SOS1: variants seen among roughly 807,000 people sequenced by gnomAD.
SOS1 encodes the protein son of sevenless homolog 1.
Under a neutral mutation model 157.6 loss-of-function variants are expected in SOS1, and 25 were observed. The ratio of observed to expected loss-of-function variants is 0.16; its 90% CI spans 0.12 to 0.22. The LOEUF is 0.22. Among genes scored for constraint, SOS1 ranks in the 10% least tolerant of loss-of-function variants. The pLI is 1.00. For missense variants in SOS1, 1,237 were observed against 1,599.1 expected (o/e 0.77, Z 3.86); for synonymous variants, 528 against 534.0 (o/e 0.99, Z 0.16).
intron 11 of SOS1, 52 bp downstream of exon 11, chr2:39,014,713 T>A (rs1385443576): frequency 1.9e-5 from 19 of 977,574 alleles, no homozygotes; most frequent in Non-Finnish European, 3.0e-5. Context: ...CTTAGCTCAA[T>A]CTCTTTTTTA....
At chr2:39,093,547 AATTAAG>A (rs899534788) in intron 1 of SOS1, among the ~76,000 whole-genome samples, 10 of 152,216 alleles carry the variant, frequency 6.6e-5, no homozygotes, top group African/African-American at 2.4e-4. Context: ...GTCTTCACTA[AATTAAG>A]ATTATTTAAC....
At chr2:39,015,369 G>C (rs945320205) in intron 10 of SOS1, among the ~76,000 whole-genome samples, 2 of 151,886 alleles carry the variant, frequency 1.3e-5, no homozygotes, top group African/African-American at 2.4e-5. Context: ...TAAATTATTT[G>C]CTAAAAATCT....
chr2:39,010,811 C>G, intron 14 of SOS1, 108 bp from the exon 15 acceptor site: 1 of 848,360 alleles, frequency 1.2e-6, no homozygotes, highest in South Asian at 1.5e-5. Context: ...ATGAACTTTC[C>G]TCTTATACCA....
chr2:39,000,868 T>G (rs1669074061), intron 17 of SOS1, among the ~76,000 whole-genome samples: 1 of 152,170 alleles, frequency 6.6e-6, no homozygotes, highest in Non-Finnish European at 1.5e-5. Flanking sequence ...AGAGAGACAT[T>G]TAAAAGACAG....
At chr2:39,070,142 A>G (rs1671748068) in intron 1 of SOS1, among the ~76,000 whole-genome samples, 2 of 152,136 alleles carry the variant, frequency 1.3e-5, no homozygotes, top group Non-Finnish European at 2.9e-5. Flanking sequence ...TTCCTCTTCA[A>G]TACTTAGCAT....
At chr2:39,081,686 T>C (rs547812281) in intron 1 of SOS1, among the ~76,000 whole-genome samples, 43 of 149,688 alleles carry the variant, frequency 2.9e-4, no homozygotes, top group Admixed American at 8.7e-4. Context: ...TTAGCCAGGC[T>C]TGGCGGCGGG....
In SOS1 at chr2:39,056,720, C is replaced by T; in HGVS notation, c.492G>A (p.Val164=). ...TTCCTACCTTGTCAGCACACATTGC[C>T]ACTTTAATATCTTGTTTTGTAATTT... ...HYEITKQDIK[V]AMCADKVLMD... Residue 164 remains valine (V), a synonymous_variant, in exon 4 of 23, where the codon GTG becomes GTA. Coordinates refer to ENST00000402219, the MANE Select transcript of SOS1 (RefSeq NM_005633.4). The T allele has an allele frequency of 6.2e-7, 1 of 1,607,970 alleles. No individual in the cohort carries two copies.
chr2:39,013,463 T>C lies in SOS1; in HGVS notation c.2164A>G (p.Arg722Gly). Residue 722 changes from arginine (R) to glycine (G), a missense_variant, in exon 13 of 23, where the codon AGA (arginine) becomes GGA (glycine). By Grantham distance (125) the Arg-to-Gly change is moderately radical. Coordinates refer to ENST00000402219, the MANE Select transcript of SOS1 (RefSeq NM_005633.4). ...GCACCTAAAAAAAAAAACATACCTC[T>C]TACTGTTCCAATAAATTCTTCCATT... Reference protein sequence around the residue: ...QRMEEFIGTVRGKAMKKWVES... With the variant: ...QRMEEFIGTVGGKAMKKWVES... 6.3e-7 allele frequency: 1 copy of C among 1,595,258 alleles called. No homozygotes were observed. Among genetic ancestry groups the C allele is most frequent in the Non-Finnish European group, 8.6e-7 (1 of 1,163,006 alleles).
At chr2:39,089,896 G>T (rs996925168) in intron 1 of SOS1, among the ~76,000 whole-genome samples, 4 of 151,388 alleles carry the variant, frequency 2.6e-5, no homozygotes, top group African/African-American at 7.3e-5. Context: ...GGAGGCAGAG[G>T]AAGGTGGATC....
intron 1 of SOS1, among the ~76,000 whole-genome samples, chr2:39,118,515 C>T (rs1673742836): frequency 6.6e-6 from 1 of 152,188 alleles, no homozygotes; most frequent in African/African-American, 2.4e-5. Context: ...CCACCTCCTC[C>T]TATCACTTCT....
intron 1 of SOS1, among the ~76,000 whole-genome samples, chr2:39,068,351 A>C (rs1028075003): frequency 6.6e-6 from 1 of 152,234 alleles, no homozygotes; most frequent in African/African-American, 2.4e-5. Flanking sequence ...GGTGATGATA[A>C]AAGATACAGT....
chr2:39,094,902 T>C (rs1672717960), intron 1 of SOS1, among the ~76,000 whole-genome samples: 1 of 152,160 alleles, frequency 6.6e-6, no homozygotes, highest in Non-Finnish European at 1.5e-5. Context: ...CCACAAGCCA[T>C]AAACCTGTTA....
chr2:39,116,943 C>T (rs1485162018), intron 1 of SOS1, among the ~76,000 whole-genome samples: 2 of 152,086 alleles, frequency 1.3e-5, no homozygotes, highest in Admixed American at 1.3e-4. Context: ...TATATAAAAA[C>T]TGTTCATAAA....
intron 6 of SOS1, among the ~76,000 whole-genome samples, chr2:39,037,001 G>A (rs940139818): frequency 6.6e-6 from 1 of 152,190 alleles, no homozygotes; most frequent in Non-Finnish European, 1.5e-5. Context: ...TGATTGAACA[G>A]TAATACCACC....
At chr2:39,013,371 A>G in intron 13 of SOS1, 89 bp downstream of exon 13, 1 of 840,238 alleles carries the variant, frequency 1.2e-6, no homozygotes, top group Admixed American at 1.8e-5. Flanking sequence ...AACATCTTAC[A>G]TTACTGAGCC....
At chr2:39,115,758 T>C (rs1372052091) in intron 1 of SOS1, among the ~76,000 whole-genome samples, 1 of 152,182 alleles carries the variant, frequency 6.6e-6, no homozygotes, top group African/African-American at 2.4e-5. Context: ...TTTTTATTGC[T>C]GAGTAGTATT....
At chr2:39,118,899 T>G (rs750728728) in intron 1 of SOS1, among the ~76,000 whole-genome samples, 3 of 152,238 alleles carry the variant, frequency 2.0e-5, no homozygotes, top group Admixed American at 6.5e-5. Context: ...TTCTTTCCAC[T>G]GCTTCAAAGG....
chr2:39,106,164 G>T (rs1335995666), intron 1 of SOS1, among the ~76,000 whole-genome samples: 2 of 144,286 alleles, frequency 1.4e-5, no homozygotes, highest in African/African-American at 5.2e-5. Flanking sequence ...AGGCTGCAGT[G>T]AGCTGAGACT....
intron 9 of SOS1, 137 bp from the exon 10 acceptor site, chr2:39,023,362 AT>A: frequency 1.7e-6 from 1 of 602,398 alleles, no homozygotes. Context: ...ATAGATTAGA[AT>A]TACAAAATTA....
Sources: gnomAD v4.1 joint callset for allele counts (sites outside exome capture counted in the v4.1 genomes callset) on GRCh38, gnomAD v4.1.1 for gene constraint, MANE v1.5 for transcripts, NCBI Gene and HGNC (gene_info 2026-07-23, HGNC 2026-07-21) for gene names.